Variants in KCNK10 observed in about 807,000 individuals in gnomAD.
The protein encoded by KCNK10 is potassium channel subfamily K member 10.
A neutral mutation model predicts 47.7 loss-of-function variants in KCNK10; 25 were observed. The observed-to-expected ratio is 0.52, with a 90% CI of 0.38 to 0.73. The LOEUF (loss-of-function observed/expected upper bound fraction) is 0.73. KCNK10 is among the 30% of genes least tolerant of loss of function. The pLI, the probability that KCNK10 is intolerant of heterozygous loss-of-function variation, is 0.00. For missense variants in KCNK10, 563 were observed against 714.5 expected, an observed-to-expected ratio of 0.79 and a Z score of 2.42; for synonymous variants, 303 against 285.6, an observed-to-expected ratio of 1.06 and a Z score of -0.61.
At chr14:88,250,749 G>C (rs1347327768) in intron 2 of KCNK10, among the ~76,000 whole-genome samples, 3 of 152,164 alleles carry the variant, frequency 2.0e-5, no homozygotes, top group Admixed American at 1.3e-4. Flanking sequence ...GTCTTAGCTG[G>C]GTGTGGTGGC....
chr14:88,240,563 G>T, intron 3 of KCNK10, 140 bp downstream of exon 3: 1 of 607,062 alleles, frequency 1.6e-6, no homozygotes, highest in Non-Finnish European at 3.0e-6. Context: ...CACAATGACT[G>T]CATTAATTTA....
intron 2 of KCNK10, among the ~76,000 whole-genome samples, chr14:88,241,801 G>C (rs980184615): frequency 1.3e-5 from 2 of 152,074 alleles, no homozygotes; most frequent in South Asian, 2.1e-4. Context: ...CCCCTTCCCC[G>C]AGTTCATACT....
At chr14:88,314,319 A>C (rs976520073) in intron 1 of KCNK10, among the ~76,000 whole-genome samples, 1 of 152,190 alleles carries the variant, frequency 6.6e-6, no homozygotes, top group Non-Finnish European at 1.5e-5. Context: ...CACAGCAAGA[A>C]GGCACCATCT....
chr14:88,219,679 C>T (rs1167620064), intron 4 of KCNK10, among the ~76,000 whole-genome samples: 1 of 152,246 alleles, frequency 6.6e-6, no homozygotes, highest in African/African-American at 2.4e-5. Flanking sequence ...TTGTTCATCA[C>T]AGCAATGTGT....
At chr14:88,271,027 C>T in intron 1 of KCNK10, 1 of 539,100 alleles carries the variant, frequency 1.9e-6, no homozygotes, top group Non-Finnish European at 3.3e-6. Context: ...CAGACCCGCT[C>T]ACACCTGTCC....
chr14:88,209,898 A>G (rs1885400467), intron 4 of KCNK10, among the ~76,000 whole-genome samples: 19 of 152,260 alleles, frequency 1.2e-4, no homozygotes, highest in Admixed American at 1.2e-3. Context: ...ACAGGGATAC[A>G]GGCCAATAAA....
At chr14:88,190,805 G>A (rs563709020) in intron 5 of KCNK10, among the ~76,000 whole-genome samples, 1 of 152,248 alleles carries the variant, frequency 6.6e-6, no homozygotes, top group South Asian at 2.1e-4. Flanking sequence ...AAAATTAACA[G>A]GGAGGCACGC....
intron 1 of KCNK10, among the ~76,000 whole-genome samples, chr14:88,302,971 T>C (rs1011323862): frequency 2.6e-5 from 4 of 152,158 alleles, no homozygotes; most frequent in Non-Finnish European, 4.4e-5. Context: ...GAATCTTAAT[T>C]GGTCCAAGCC....
At chr14:88,302,580 C>T (rs1195247485) in intron 1 of KCNK10, among the ~76,000 whole-genome samples, 1 of 152,124 alleles carries the variant, frequency 6.6e-6, no homozygotes, top group Admixed American at 6.5e-5. Flanking sequence ...TGTGGTGGCA[C>T]ATGCCTGTTA....
At chr14:88,273,142 T>C (rs564054138) in intron 1 of KCNK10, among the ~76,000 whole-genome samples, 1 of 151,926 alleles carries the variant, frequency 6.6e-6, no homozygotes, top group African/African-American at 2.4e-5. Context: ...CAGAGGGAGA[T>C]GTAAAATGAG....
Position 88,185,457 on chromosome 14 carries a change from C to T in KCNK10, c.*78G>A. The T allele has an allele frequency of 6.6e-7, 1 of 1,526,676 alleles. No individual in the cohort carries two copies. Among genetic ancestry groups the T allele is most frequent in the Non-Finnish European group, 8.8e-7 (1 of 1,137,548 alleles). 94.6% of individuals were successfully genotyped at this position (1,526,676 alleles called of 1,614,324 possible). A position where few individuals can be genotyped will look rare whatever the true frequency, so the allele number is the denominator to read the frequency against. The stretch of plus-strand genomic sequence containing the variant: ...TTTGGACTAAAAAGTCTGTTTAAGG[C>T]ACATGTCTCAGTGTGAATATTAAAA... On this transcript the variant is annotated 3_prime_UTR_variant, in exon 7 of 7. Coordinates refer to ENST00000319231, the MANE Select transcript of KCNK10 (RefSeq NM_138317.3). This position sits in a 1 kb window ranked among gnomAD's most constrained non-coding sequence, Gnocchi z 4.3.
At chr14:88,278,577 A>T (rs541220793) in intron 1 of KCNK10, among the ~76,000 whole-genome samples, 39 of 152,350 alleles carry the variant, frequency 2.6e-4, no homozygotes, top group Non-Finnish European at 4.7e-4. Flanking sequence ...AGATCTTCGT[A>T]AACAGCAAAG....
chr14:88,252,792 G>A (rs1413719768), intron 2 of KCNK10, among the ~76,000 whole-genome samples: 1 of 152,156 alleles, frequency 6.6e-6, no homozygotes, highest in Non-Finnish European at 1.5e-5. Flanking sequence ...TTGTCATGCA[G>A]GCTCTCTGTA....
intron 4 of KCNK10, among the ~76,000 whole-genome samples, chr14:88,222,949 A>C (rs1347984942): frequency 6.6e-6 from 1 of 152,194 alleles, no homozygotes. Context: ...TTGCTATGTG[A>C]GATAAGGGTT....
intron 1 of KCNK10, among the ~76,000 whole-genome samples, chr14:88,285,238 A>C (rs996077616): frequency 6.6e-6 from 1 of 152,094 alleles, no homozygotes; most frequent in Non-Finnish European, 1.5e-5. Flanking sequence ...CAGCCTCCCA[A>C]GTAGCTGGGA....
intron 4 of KCNK10, among the ~76,000 whole-genome samples, chr14:88,199,677 C>T (rs1386828717): frequency 1.3e-5 from 2 of 152,178 alleles, no homozygotes; most frequent in Non-Finnish European, 2.9e-5. Context: ...GAACCAGTAT[C>T]CAAGAGTACC....
rs1212675411 is a variant in KCNK10, at chr14:88,323,106, A to G, written c.-308T>C. 1 of 1,199,496 alleles carries G rather than the reference A, an allele frequency of 8.3e-7. No individual in the cohort carries two copies. Among genetic ancestry groups the G allele is most frequent in the Non-Finnish European group, 1.0e-6 (1 of 957,302 alleles). The allele number at this position is 1,199,496 out of a possible 1,614,324, so 74.3% of individuals were successfully genotyped here. On this transcript the variant is annotated 5_prime_UTR_variant, in exon 1 of 7. Transcript: ENST00000319231. ...AGAGGAAGGCTTGGGGAGATGGAAG[A>G]GCCAAGCTGCTTCCCAAAAGCGGTG...
chr14:88,250,438 A>G (rs1886761754), intron 2 of KCNK10, among the ~76,000 whole-genome samples: 2 of 152,148 alleles, frequency 1.3e-5, no homozygotes, highest in Non-Finnish European at 2.9e-5. Context: ...CCTGGGCTCA[A>G]AGAACCCGAA....
intron 1 of KCNK10, among the ~76,000 whole-genome samples, chr14:88,286,750 T>G (rs1248301096): frequency 2.0e-5 from 3 of 152,090 alleles, no homozygotes; most frequent in African/African-American, 7.2e-5. Context: ...AACCATTAGA[T>G]TTCATGAGAC....
Sources: allele counts gnomAD v4.1 joint callset (sites outside exome capture counted in the v4.1 genomes callset), GRCh38; gene constraint gnomAD v4.1.1; non-coding constraint Gnocchi (gnomAD v3.1); transcripts MANE v1.5; gene names NCBI Gene and HGNC (gene_info 2026-07-23, HGNC 2026-07-21).